PRIM2: variants seen among roughly 807,000 people sequenced by gnomAD.
The protein encoded by PRIM2 is DNA primase large subunit.
PRIM2 carries 39 observed loss-of-function variants against 67.3 expected under a neutral mutation model. The ratio of observed to expected loss-of-function variants is 0.58; its 90% CI spans 0.45 to 0.76. PRIM2 has a LOEUF of 0.76. Among genes scored for constraint, PRIM2 ranks in the 30% least tolerant of loss-of-function variants. PRIM2 has a pLI of 0.00. For synonymous variants in PRIM2, 143 were observed against 198.7 expected, an observed-to-expected ratio of 0.72 and a Z score of 2.36; for missense variants, 398 against 598.7, an observed-to-expected ratio of 0.66 and a Z score of 3.50.
At chr6:57,408,175 C>T in intron 7 of PRIM2, among the ~76,000 whole-genome samples, 1 of 152,156 alleles carries the variant, frequency 6.6e-6, no homozygotes, top group Non-Finnish European at 1.5e-5. Context: ...GGGCTCTTGT[C>T]TCATGCCCAA....
chr6:57,521,664 C>G (rs1581967807), intron 8 of PRIM2, among the ~76,000 whole-genome samples: 3 of 152,056 alleles, frequency 2.0e-5, no homozygotes, highest in South Asian at 2.1e-4. Context: ...ACTTGTGATG[C>G]TTTCTTCACT....
intron 10 of PRIM2, among the ~76,000 whole-genome samples, chr6:57,542,938 G>GTTTTTTTTTTTTTTT (rs1581980392): frequency 2.3e-4 from 13 of 56,858 alleles, no homozygotes; most frequent in African/African-American, 4.6e-4. Context: ...CTGCTTATAG[G>GTTTTTTTTTTTTTTT]ATTTTTTTTT....
chr6:57,320,218 C>T (rs929253025), intron 2 of PRIM2, among the ~76,000 whole-genome samples: 7 of 152,062 alleles, frequency 4.6e-5, no homozygotes, highest in Non-Finnish European at 7.4e-5. Context: ...ATCCCTCTTC[C>T]CTGATTGAGA....
At chr6:57,269,813 T>C in the PRIM2 span, among the ~76,000 whole-genome samples, 2 of 152,126 alleles carry the variant, frequency 1.3e-5, no homozygotes, top group Non-Finnish European at 2.9e-5. Context: ...TTGTATAAGA[T>C]GTAAGGAAGG....
In PRIM2 at chr6:57,397,009, C is replaced by G. The variant is rs7383036; in HGVS notation, c.693+14841C>G. ...AAGACAGGGTCCCAATCCCTTCTAG[C>G]CTGTATGGTTTCTGTTGAGAAATCT... On this transcript the variant is annotated intron_variant, in intron 7 of 13. Coordinates refer to ENST00000615550, the MANE Select transcript of PRIM2 (RefSeq NM_000947.5). Among the ~76,000 whole-genome samples the G allele has an allele frequency of 4.8e-3, 729 of 152,254 alleles. 7 individuals carry two copies. The highest frequency in any genetic ancestry group is 6.1e-3 in the Admixed American group (94 of 15,290).
chr6:57,311,535 A>G (rs975964507), upstream of PRIM2, among the ~76,000 whole-genome samples: 4 of 151,492 alleles, frequency 2.6e-5, no homozygotes, highest in Non-Finnish European at 5.9e-5. Context: ...GACGTTCCTC[A>G]CTTCCTAGAG....
chr6:57,590,048 A>G (rs2127488096), intron 10 of PRIM2, among the ~76,000 whole-genome samples: 1 of 152,244 alleles, frequency 6.6e-6, no homozygotes, highest in South Asian at 2.1e-4. Context: ...AGAAAGAAAG[A>G]CTTCTAGCTG....
At chr6:57,441,800 A>T (rs957974165) in intron 7 of PRIM2, among the ~76,000 whole-genome samples, 4 of 152,208 alleles carry the variant, frequency 2.6e-5, no homozygotes, top group African/African-American at 4.8e-5. Flanking sequence ...CATCTCAATT[A>T]GTTGGAAATC....
chr6:57,415,297 G>A (rs1267476807), intron 7 of PRIM2, among the ~76,000 whole-genome samples: 1 of 152,124 alleles, frequency 6.6e-6, no homozygotes. Context: ...CTACATCAAA[G>A]ATATTGCAGG....
At chr6:57,225,159 C>T in the PRIM2 span, among the ~76,000 whole-genome samples, 2 of 152,192 alleles carry the variant, frequency 1.3e-5, no homozygotes, top group Admixed American at 6.5e-5. Flanking sequence ...AGCTCTTAGG[C>T]CTAACTGCTT....
At chr6:57,343,383 A>G (rs1286786548) in intron 5 of PRIM2, among the ~76,000 whole-genome samples, 1 of 152,174 alleles carries the variant, frequency 6.6e-6, no homozygotes, top group Non-Finnish European at 1.5e-5. Flanking sequence ...TTGGGTCTCA[A>G]GTTATTATAA....
intron 5 of PRIM2, among the ~76,000 whole-genome samples, chr6:57,352,310 G>A (rs879493074): frequency 3.9e-5 from 6 of 151,922 alleles, no homozygotes; most frequent in South Asian, 4.2e-4. Context: ...GCGTGATCTC[G>A]GCTCACGGCA....
At chr6:57,465,201 G>A (rs34229397) in intron 7 of PRIM2, among the ~76,000 whole-genome samples, 5 of 152,046 alleles carry the variant, frequency 3.3e-5, no homozygotes, top group Non-Finnish European at 5.9e-5. Flanking sequence ...TCTCCCTTCC[G>A]TGAAGACAGA....
intron 7 of PRIM2, among the ~76,000 whole-genome samples, chr6:57,452,298 C>T (rs1772582119): frequency 6.6e-6 from 1 of 152,102 alleles, no homozygotes; most frequent in South Asian, 2.1e-4. Context: ...GGTATATACC[C>T]AGTAATGGGA....
chr6:57,477,110 C>G (rs1265316016), intron 7 of PRIM2, among the ~76,000 whole-genome samples: 17 of 152,158 alleles, frequency 1.1e-4, no homozygotes, highest in Admixed American at 2.0e-4. Context: ...CCCACTGCAG[C>G]CTCCTGAATA....
At chr6:57,467,120 A>AG (rs1773221599) in intron 7 of PRIM2, among the ~76,000 whole-genome samples, 1 of 146,466 alleles carries the variant, frequency 6.8e-6, no homozygotes. Context: ...AAAAAAAAAA[A>AG]GAAAAGAAAA....
intron 5 of PRIM2, among the ~76,000 whole-genome samples, chr6:57,369,545 C>T (rs1299447654): frequency 6.6e-6 from 1 of 152,148 alleles, no homozygotes. Flanking sequence ...AAGAGCAGAA[C>T]TTCAAAGCTA....
chr6:57,368,313 G>A lies in PRIM2; in HGVS notation c.460-11588G>A, dbSNP rs73748693. 3.3e-5 allele frequency among the ~76,000 whole-genome samples: 5 copies of A among 152,036 alleles called. No individual in the cohort carries two copies. In the South Asian group the frequency reaches 1.0e-3, roughly 32 times the overall value. On this transcript the variant is annotated intron_variant, in intron 5 of 13. Coordinates refer to ENST00000615550, the MANE Select transcript of PRIM2 (RefSeq NM_000947.5). The stretch of plus-strand genomic sequence containing the variant: ...AAAAAACATACAGCTCAGGGCTTCA[G>A]TCTGTAGGTCTGGGTGGCACCAGGA...
intron 10 of PRIM2, among the ~76,000 whole-genome samples, chr6:57,550,339 A>G (rs1775375870): frequency 6.6e-6 from 1 of 152,212 alleles, no homozygotes; most frequent in Non-Finnish European, 1.5e-5. Context: ...TACCAATTCT[A>G]GATTATACAG....
Sources: gnomAD v4.1 joint callset for allele counts (sites outside exome capture counted in the v4.1 genomes callset) on GRCh38, gnomAD v4.1.1 for gene constraint, MANE v1.5 for transcripts, NCBI Gene and HGNC (gene_info 2026-07-23, HGNC 2026-07-21) for gene names.